TRAPPC8: variants seen among roughly 807,000 people sequenced by gnomAD.
TRAPPC8 encodes trafficking protein particle complex subunit 8.
In TRAPPC8, 54 loss-of-function variants were observed where a neutral mutation model predicts 174.3. That is an observed-to-expected ratio of 0.31 (90% CI 0.25 to 0.39). The LOEUF (loss-of-function observed/expected upper bound fraction) is 0.39, where lower values mean the gene tolerates loss of function less well. Among genes scored for constraint, TRAPPC8 ranks in the 10% least tolerant of loss-of-function variants. The probability of loss-of-function intolerance (pLI) is 1.00; values close to 1 mark genes in which losing one functional copy is unlikely to be tolerated. For synonymous variants in TRAPPC8, 630 were observed against 579.9 expected, an observed-to-expected ratio of 1.09 and a Z score of -1.24; for missense variants, 1,531 against 1,699.1, an observed-to-expected ratio of 0.90 and a Z score of 1.74.
intron 19 of TRAPPC8, among the ~76,000 whole-genome samples, chr18:31,863,389 T>C (rs1245514615): frequency 6.6e-6 from 1 of 152,160 alleles, no homozygotes; most frequent in African/African-American, 2.4e-5. Context: ...ATCTAGAACA[T>C]GGACAAAATA....
At chr18:31,916,686 C>T (rs2037162274) in intron 3 of TRAPPC8, among the ~76,000 whole-genome samples, 1 of 152,112 alleles carries the variant, frequency 6.6e-6, no homozygotes, top group Non-Finnish European at 1.5e-5. Context: ...GCGCAAGCCA[C>T]TGCACCCAGC....
intron 14 of TRAPPC8, 105 bp from the exon 15 acceptor site, chr18:31,871,225 T>A: frequency 3.7e-6 from 2 of 541,240 alleles, no homozygotes; most frequent in Non-Finnish European, 5.9e-6. Flanking sequence ...TATATATACA[T>A]TCACTCTTGC....
At chr18:31,881,407 A>G (rs1186235731) in intron 12 of TRAPPC8, among the ~76,000 whole-genome samples, 2 of 152,228 alleles carry the variant, frequency 1.3e-5, no homozygotes, top group Non-Finnish European at 2.9e-5. Context: ...CTCCCTATTC[A>G]ATAAATGGTG....
intron 19 of TRAPPC8, among the ~76,000 whole-genome samples, chr18:31,859,394 T>TA (rs916175159): frequency 1.1e-4 from 16 of 152,022 alleles, no homozygotes; most frequent in Non-Finnish European, 8.8e-5. Context: ...TTTAATAGGA[T>TA]AAAAAAATAA....
At chr18:31,860,328 C>T (rs2145126928) in intron 19 of TRAPPC8, among the ~76,000 whole-genome samples, 1 of 152,018 alleles carries the variant, frequency 6.6e-6, no homozygotes, top group Middle Eastern at 3.4e-3. Flanking sequence ...CTTTTCTCTG[C>T]TTCTCTACAT....
At chr18:31,907,652 C>A in intron 8 of TRAPPC8, 42 bp from the exon 9 acceptor site, 3 of 1,478,562 alleles carry the variant, frequency 2.0e-6, no homozygotes, top group African/African-American at 1.4e-5. Context: ...TATTACCCCC[C>A]AAACCATTAA....
chr18:31,914,614 G>C (rs1020583081), intron 4 of TRAPPC8, among the ~76,000 whole-genome samples: 1 of 152,164 alleles, frequency 6.6e-6, no homozygotes, highest in Non-Finnish European at 1.5e-5. Flanking sequence ...TGGATCTGCA[G>C]AGGAAAATTT....
At chr18:31,877,261 C>G (rs1409034293) in intron 12 of TRAPPC8, among the ~76,000 whole-genome samples, 1 of 152,148 alleles carries the variant, frequency 6.6e-6, no homozygotes, top group East Asian at 1.9e-4. Flanking sequence ...TGGGAGCTGG[C>G]AGACGTGTCC....
At chr18:31,836,886 C>G (rs1307081168) in intron 27 of TRAPPC8, among the ~76,000 whole-genome samples, 4 of 151,594 alleles carry the variant, frequency 2.6e-5, no homozygotes, top group Admixed American at 6.6e-5. Flanking sequence ...CTCAGCCTCC[C>G]AAGTAGCTGG....
chr18:31,916,846 C>CCAAAAA (rs35316134), intron 3 of TRAPPC8, among the ~76,000 whole-genome samples: 3 of 126,910 alleles, frequency 2.4e-5, no homozygotes, highest in African/African-American at 9.0e-5. Context: ...ATTTTCACAG[C>CCAAAAA]AAAAAAAAAA....
intron 26 of TRAPPC8, among the ~76,000 whole-genome samples, chr18:31,843,570 T>A (rs1176263458): frequency 1.3e-5 from 2 of 152,212 alleles, no homozygotes; most frequent in Non-Finnish European, 2.9e-5. Flanking sequence ...GTGTGCAAAC[T>A]ATTAGTATGA....
rs374935344 is a variant in TRAPPC8, at chr18:31,857,541, G to A, written c.3187C>T (p.Arg1063Trp). Residue 1063 changes from arginine to tryptophan, a missense_variant and splice_region_variant, in exon 20 of 29, where the codon CGG (arginine) becomes TGG (tryptophan). Coordinates refer to ENST00000283351, the MANE Select transcript of TRAPPC8 (RefSeq NM_014939.5). Reference protein sequence around the residue: ...YESVKKQPKIRHRILRHTAII... With the variant: ...YESVKKQPKIWHRILRHTAII... ...TTTTATAAGTTTTATAATACTAACC[G>A]TATTTTTGGCTGCTTTTTGACACTT... 74 of 1,582,696 alleles carry A rather than the reference G, an allele frequency of 4.7e-5. No homozygotes were observed. The highest frequency in any genetic ancestry group is 6.0e-5 in the Non-Finnish European group (70 of 1,165,566).
intron 21 of TRAPPC8, among the ~76,000 whole-genome samples, chr18:31,854,278 ATTTTCT>A (rs1048790594): frequency 3.3e-5 from 5 of 152,124 alleles, no homozygotes; most frequent in African/African-American, 1.2e-4. Context: ...AAATTATGGC[ATTTTCT>A]TTTTATTTCT....
intron 2 of TRAPPC8, among the ~76,000 whole-genome samples, chr18:31,927,758 A>T (rs1161213506): frequency 2.0e-5 from 3 of 152,186 alleles, no homozygotes; most frequent in Non-Finnish European, 4.4e-5. Flanking sequence ...AAATATTTGC[A>T]GTATGAAAAA....
At chr18:31,904,441 C>T (rs979104969) in intron 9 of TRAPPC8, among the ~76,000 whole-genome samples, 2 of 151,796 alleles carry the variant, frequency 1.3e-5, no homozygotes, top group African/African-American at 2.4e-5. Flanking sequence ...GTCAGCTATT[C>T]GGGAGGCTGA....
At position 31,942,531 on chromosome 18, in the gene TRAPPC8, T is replaced by C; in HGVS notation, c.157+77A>G. The C allele has an allele frequency of 8.3e-6, 12 of 1,443,762 alleles. No homozygotes were observed. The South Asian group carries it at 1.6e-4, about 19-fold the overall frequency. 89.4% of individuals were successfully genotyped at this position (1,443,762 alleles called of 1,614,324 possible). ...CAGGACGTAAACACTGCCCTTCTCT[T>C]CCCTGCCCGCCCGCAACTTCCTTCT... On this transcript the variant is annotated intron_variant, in intron 1 of 28. Coordinates refer to ENST00000283351, the MANE Select transcript of TRAPPC8 (RefSeq NM_014939.5).
chr18:31,898,032 A>T, intron 10 of TRAPPC8, 141 bp from the exon 11 acceptor site: 1 of 594,778 alleles, frequency 1.7e-6, no homozygotes, highest in East Asian at 3.1e-5. Flanking sequence ...AGGATACTAA[A>T]ATCCAAGGTT....
At chr18:31,847,188 C>T (rs190948605) in intron 25 of TRAPPC8, among the ~76,000 whole-genome samples, 257 of 152,284 alleles carry the variant, frequency 1.7e-3, no homozygotes, top group Non-Finnish European at 2.9e-3. Flanking sequence ...AGCCTAGCTT[C>T]TGAAATGTCC....
At chr18:31,879,872 G>C (rs2035331358) in intron 12 of TRAPPC8, among the ~76,000 whole-genome samples, 1 of 150,554 alleles carries the variant, frequency 6.6e-6, no homozygotes, top group South Asian at 2.1e-4. Context: ...TAGAGGAAAT[G>C]GGTTAATTCC....
Sources: allele counts gnomAD v4.1 joint callset (sites outside exome capture counted in the v4.1 genomes callset), GRCh38; gene constraint gnomAD v4.1.1; transcripts MANE v1.5; gene names NCBI Gene and HGNC (gene_info 2026-07-23, HGNC 2026-07-21).